ANTXR1: variants seen among roughly 807,000 people sequenced by gnomAD.
The protein encoded by ANTXR1 is anthrax toxin receptor 1.
A neutral mutation model predicts 78.1 loss-of-function variants in ANTXR1; 19 were observed. That is an observed-to-expected ratio of 0.24 (90% CI 0.17 to 0.36). The LOEUF (loss-of-function observed/expected upper bound fraction) is 0.36. Among genes scored for constraint, ANTXR1 ranks in the 10% least tolerant of loss-of-function variants. ANTXR1 has a pLI of 1.00. For synonymous variants in ANTXR1, 273 were observed against 260.5 expected, an observed-to-expected ratio of 1.05 and a Z score of -0.46; for missense variants, 518 against 718.6, an observed-to-expected ratio of 0.72 and a Z score of 3.19.
At chr2:69,160,623 A>G (rs1287797132) in intron 13 of ANTXR1, among the ~76,000 whole-genome samples, 1 of 152,158 alleles carries the variant, frequency 6.6e-6, no homozygotes, top group Non-Finnish European at 1.5e-5. Context: ...TGTCAGGGCA[A>G]TCATACCCTG....
chr2:69,022,197 T>C (rs1220832578), intron 1 of ANTXR1, among the ~76,000 whole-genome samples: 1 of 152,214 alleles, frequency 6.6e-6, no homozygotes, highest in Non-Finnish European at 1.5e-5. Flanking sequence ...AGAGGATGCC[T>C]GTACACTGCA....
chr2:69,212,950 G>A (rs1314743591), intron 17 of ANTXR1, among the ~76,000 whole-genome samples: 1 of 134,640 alleles, frequency 7.4e-6, no homozygotes, highest in Non-Finnish European at 1.5e-5. Context: ...AAGACTACAT[G>A]TGCACATCAC....
At chr2:69,060,252 G>A (rs1558502579) in intron 3 of ANTXR1, among the ~76,000 whole-genome samples, 2 of 152,112 alleles carry the variant, frequency 1.3e-5, no homozygotes, top group African/African-American at 4.8e-5. Flanking sequence ...GAAGAAATCT[G>A]GTAGATCTTA....
intron 3 of ANTXR1, among the ~76,000 whole-genome samples, chr2:69,067,488 T>C (rs1196994573): frequency 6.7e-6 from 1 of 149,688 alleles, no homozygotes; most frequent in African/African-American, 2.5e-5. Flanking sequence ...ATCTCAAGTC[T>C]TAACACAATA....
intron 17 of ANTXR1, among the ~76,000 whole-genome samples, chr2:69,204,159 T>C (rs1480326258): frequency 6.6e-6 from 1 of 152,210 alleles, no homozygotes; most frequent in Non-Finnish European, 1.5e-5. Context: ...TCGAGGGACA[T>C]TCAGCATCTC....
chr2:69,015,340 T>G (rs974443754), intron 1 of ANTXR1, among the ~76,000 whole-genome samples: 2 of 150,642 alleles, frequency 1.3e-5, no homozygotes, highest in Non-Finnish European at 3.0e-5. Context: ...CCATATTCTC[T>G]CTCCAAATAT....
chr2:69,088,304 GGGGAAT>G (rs1671119961), intron 8 of ANTXR1, among the ~76,000 whole-genome samples: 2 of 152,154 alleles, frequency 1.3e-5, no homozygotes, highest in Admixed American at 6.5e-5. Flanking sequence ...GTGTGTGTTT[GGGGAAT>G]GGGAACAGGA....
chr2:69,241,965 G>A (rs918654293), intron 17 of ANTXR1, among the ~76,000 whole-genome samples: 3 of 152,122 alleles, frequency 2.0e-5, no homozygotes, highest in Non-Finnish European at 4.4e-5. Context: ...CCACAGTGGG[G>A]GCCACGCAGA....
At chr2:69,149,175 T>C (rs983782673) in intron 12 of ANTXR1, among the ~76,000 whole-genome samples, 17 of 152,194 alleles carry the variant, frequency 1.1e-4, no homozygotes, top group African/African-American at 4.1e-4. Context: ...TCAAGAAGTG[T>C]CTGCCCCTGT....
At chr2:69,175,339 G>C (rs757935575) in intron 14 of ANTXR1, among the ~76,000 whole-genome samples, 24 of 152,158 alleles carry the variant, frequency 1.6e-4, no homozygotes, top group Non-Finnish European at 3.1e-4. Flanking sequence ...GCTTGGTATG[G>C]TGACTCACTC....
chr2:69,239,888 T>C (rs140534160), intron 17 of ANTXR1, among the ~76,000 whole-genome samples: 5 of 152,336 alleles, frequency 3.3e-5, no homozygotes, highest in African/African-American at 1.2e-4. Context: ...CATTTCAGAA[T>C]ATGTCACCTC....
In ANTXR1 at chr2:69,124,705, T is replaced by C. The variant is rs1672472084; in HGVS notation, c.951+62T>C. 7 of 1,572,910 alleles carry C rather than the reference T, an allele frequency of 4.5e-6. No homozygotes were observed. The Admixed American group carries it at 1.0e-4, about 22-fold the overall frequency. ...TATCATTGTCACTATCAACGTTTCT[T>C]AAGCAGTAATCTTCTCCAAAGGTAC... On this transcript the variant is annotated intron_variant, in intron 12 of 17. Transcript: ENST00000303714.
At chr2:69,148,474 C>G (rs1012875327) in intron 12 of ANTXR1, among the ~76,000 whole-genome samples, 2 of 152,192 alleles carry the variant, frequency 1.3e-5, no homozygotes, top group African/African-American at 4.8e-5. Context: ...ACCAAACTGC[C>G]CACGTTTAAA....
intron 10 of ANTXR1, among the ~76,000 whole-genome samples, chr2:69,109,633 C>T (rs1671917903): frequency 6.6e-6 from 1 of 151,326 alleles, no homozygotes; most frequent in African/African-American, 2.4e-5. Context: ...GTTGAGACAA[C>T]TGGCCAACCA....
chr2:69,211,062 C>T (rs753165773), intron 17 of ANTXR1, among the ~76,000 whole-genome samples: 12 of 151,918 alleles, frequency 7.9e-5, no homozygotes, highest in African/African-American at 1.7e-4. Context: ...AGGGCTGGTC[C>T]GAAAAGGCTA....
At chr2:69,152,736 T>A (rs563534962) in intron 13 of ANTXR1, among the ~76,000 whole-genome samples, 1 of 152,230 alleles carries the variant, frequency 6.6e-6, no homozygotes, top group South Asian at 2.1e-4. Context: ...TTTTCAACAA[T>A]GAAGAATGGC....
At chr2:69,018,834 G>A (rs1170234392) in intron 1 of ANTXR1, among the ~76,000 whole-genome samples, 1 of 152,152 alleles carries the variant, frequency 6.6e-6, no homozygotes, top group Non-Finnish European at 1.5e-5. Flanking sequence ...GTAGATTCCA[G>A]GAATTCAAAA....
chr2:69,071,693 A>G (rs1573840124), intron 4 of ANTXR1, 61 bp from the exon 5 acceptor site: 2 of 1,543,056 alleles, frequency 1.3e-6, no homozygotes, highest in Non-Finnish European at 9.0e-7. Flanking sequence ...ATTATCCACT[A>G]TGGTTTTTGG....
chr2:69,145,992 T>C lies in ANTXR1; in HGVS notation c.952-6177T>C, dbSNP rs533987508. 69 of 985,484 alleles carry C rather than the reference T, an allele frequency of 7.0e-5. No homozygotes were observed. In the South Asian group the frequency reaches 2.6e-3, roughly 37 times the overall value. 61.0% of individuals were successfully genotyped at this position (985,484 alleles called of 1,614,324 possible). ...CGTCTTAAAAGAGAGGTCCTCATTT[T>C]GTGAGTTGGGAGCAGAGGGAATTAA... On this transcript the variant is annotated intron_variant, in intron 12 of 17. Transcript: ENST00000303714.
Sources: gnomAD v4.1 joint callset for allele counts (sites outside exome capture counted in the v4.1 genomes callset) on GRCh38, gnomAD v4.1.1 for gene constraint, MANE v1.5 for transcripts, NCBI Gene and HGNC (gene_info 2026-07-23, HGNC 2026-07-21) for gene names.